RETREG1: variants seen among roughly 807,000 people sequenced by gnomAD.
RETREG1 encodes the protein reticulophagy regulator 1, also known as family with sequence similarity 134 member B.
Under a neutral mutation model 54.8 loss-of-function variants are expected in RETREG1, and 44 were observed. That is an observed-to-expected ratio of 0.80 (90% CI 0.63 to 1.03). The LOEUF (loss-of-function observed/expected upper bound fraction) is 1.03, where lower values mean the gene tolerates loss of function less well. Among genes scored for constraint, RETREG1 ranks in the 50% least tolerant of loss-of-function variants. RETREG1 has a pLI of 0.00. For missense variants in RETREG1, 554 were observed against 605.1 expected (o/e 0.92, Z 0.89); for synonymous variants, 217 against 238.5 (o/e 0.91, Z 0.83).
chr5:16,584,240 T>C (rs1294566333), intron 1 of RETREG1, among the ~76,000 whole-genome samples: 3 of 152,092 alleles, frequency 2.0e-5, no homozygotes, highest in African/African-American at 7.2e-5. Context: ...CACTAAAGAA[T>C]TTATTCAGGT....
chr5:16,584,479 T>C (rs1742574504), intron 1 of RETREG1, among the ~76,000 whole-genome samples: 1 of 152,222 alleles, frequency 6.6e-6, no homozygotes, highest in Non-Finnish European at 1.5e-5. Context: ...ATCTCCTGGC[T>C]TTATTTAATA....
intron 3 of RETREG1, among the ~76,000 whole-genome samples, chr5:16,558,348 A>C (rs1483641146): frequency 6.6e-6 from 1 of 152,164 alleles, no homozygotes; most frequent in Non-Finnish European, 1.5e-5. Context: ...TCACCATGGG[A>C]TGACATATCA....
At chr5:16,546,449 C>T (rs6554931) in intron 3 of RETREG1, among the ~76,000 whole-genome samples, 44,393 of 152,098 alleles carry the variant, frequency 0.29, 6,809 homozygotes, top group East Asian at 0.4. Context: ...ATTACAGGCA[C>T]GAGCCAATGC....
At chr5:16,531,750 G>C (rs1201222423) in intron 3 of RETREG1, among the ~76,000 whole-genome samples, 1 of 152,212 alleles carries the variant, frequency 6.6e-6, no homozygotes, top group Non-Finnish European at 1.5e-5. Context: ...AGACAGAGCA[G>C]AGTGGAGCAG....
At chr5:16,605,834 G>C (rs1473409487) in intron 1 of RETREG1, among the ~76,000 whole-genome samples, 1 of 152,086 alleles carries the variant, frequency 6.6e-6, no homozygotes, top group Non-Finnish European at 1.5e-5. Flanking sequence ...CCTTTTATAA[G>C]GGCACTAATC....
intron 3 of RETREG1, among the ~76,000 whole-genome samples, chr5:16,546,184 C>G (rs7700666): frequency 3.3e-5 from 5 of 149,656 alleles, no homozygotes. Flanking sequence ...TTTTTTTTTT[C>G]TTACACAGGG....
intron 3 of RETREG1, among the ~76,000 whole-genome samples, chr5:16,534,050 G>A (rs563055177): frequency 1.8e-4 from 28 of 151,944 alleles, no homozygotes; most frequent in Middle Eastern, 6.8e-3. Flanking sequence ...CTTATAAGTC[G>A]GAAAATTCTC....
chr5:16,566,118 C>A (rs576318678), intron 2 of RETREG1, among the ~76,000 whole-genome samples: 2 of 152,192 alleles, frequency 1.3e-5, no homozygotes, highest in African/African-American at 4.8e-5. Context: ...TAAATATGAA[C>A]CAAGATAGGC....
chr5:16,565,437 T>C (rs1481812334), intron 3 of RETREG1, among the ~76,000 whole-genome samples: 1 of 152,100 alleles, frequency 6.6e-6, no homozygotes, highest in Non-Finnish European at 1.5e-5. Flanking sequence ...AATACAGCAG[T>C]TTTGTTCACA....
At chr5:16,546,572 A>G (rs144794474) in intron 3 of RETREG1, among the ~76,000 whole-genome samples, 61 of 152,384 alleles carry the variant, frequency 4.0e-4, no homozygotes, top group African/African-American at 1.5e-3. Context: ...TAGGAGACAC[A>G]TGCTTATAAC....
At chr5:16,603,780 C>T (rs1351329874) in intron 1 of RETREG1, among the ~76,000 whole-genome samples, 1 of 152,040 alleles carries the variant, frequency 6.6e-6, no homozygotes, top group African/African-American at 2.4e-5. Context: ...GCACGCTACA[C>T]CACAAAGCAG....
intron 1 of RETREG1, among the ~76,000 whole-genome samples, chr5:16,584,635 A>G (rs1195411921): frequency 1.3e-5 from 2 of 152,216 alleles, no homozygotes; most frequent in Non-Finnish European, 1.5e-5. Context: ...ATCTATCATA[A>G]TATCACAAAA....
intron 3 of RETREG1, among the ~76,000 whole-genome samples, chr5:16,493,652 G>T (rs189711438): frequency 6.6e-6 from 1 of 151,992 alleles, no homozygotes; most frequent in East Asian, 1.9e-4. Context: ...TCAACCCAGG[G>T]TTTACTGTAG....
At chr5:16,572,337 C>T (rs1406986482) in intron 1 of RETREG1, among the ~76,000 whole-genome samples, 1 of 151,934 alleles carries the variant, frequency 6.6e-6, no homozygotes, top group Non-Finnish European at 1.5e-5. Flanking sequence ...CTCAGCTTCG[C>T]AAGTAGCTGG....
chr5:16,610,681 AAATGC>A (rs1273793951), intron 1 of RETREG1, among the ~76,000 whole-genome samples: 1 of 152,262 alleles, frequency 6.6e-6, no homozygotes, highest in Non-Finnish European at 1.5e-5. Flanking sequence ...GCCATCAGAG[AAATGC>A]AAATCAAAAC....
At chr5:16,490,210 T>C (rs1009141607) in intron 3 of RETREG1, among the ~76,000 whole-genome samples, 5 of 152,168 alleles carry the variant, frequency 3.3e-5, no homozygotes, top group African/African-American at 7.2e-5. Flanking sequence ...AATCCACCCA[T>C]GGACATCCCC....
At chr5:16,535,215 G>A (rs1176554684) in intron 3 of RETREG1, among the ~76,000 whole-genome samples, 6 of 152,176 alleles carry the variant, frequency 3.9e-5, no homozygotes, top group South Asian at 2.1e-4. Context: ...CCGTCCGCTC[G>A]CTCCCAGGCT....
At chr5:16,559,879 C>T (rs767184176) in intron 3 of RETREG1, among the ~76,000 whole-genome samples, 2 of 152,146 alleles carry the variant, frequency 1.3e-5, no homozygotes, top group Non-Finnish European at 2.9e-5. Context: ...GGTTTCAATT[C>T]AGTGCTAGGA....
chr5:16,530,821 C>T lies in RETREG1; in HGVS notation c.458+34942G>A, dbSNP rs1382825725. On this transcript the variant is annotated intron_variant, in intron 3 of 8. Coordinates refer to ENST00000306320, the MANE Select transcript of RETREG1 (RefSeq NM_001034850.3). The stretch of plus-strand genomic sequence containing the variant: ...CCAGGAGGCGGAGGTTGCAGTGGCC[C>T]ACTGCACTCCAGCCTGGGAGACAAA... Among the ~76,000 whole-genome samples the T allele has an allele frequency of 2.0e-5, 3 of 151,376 alleles. No homozygotes were observed. In the East Asian group the frequency reaches 5.8e-4, roughly 29 times the overall value.
Sources: allele counts gnomAD v4.1 joint callset (sites outside exome capture counted in the v4.1 genomes callset), GRCh38; gene constraint gnomAD v4.1.1; transcripts MANE v1.5; gene names NCBI Gene and HGNC (gene_info 2026-07-23, HGNC 2026-07-21).